The following CSRNP3 variants were observed in gnomAD, a reference collection of about 807,000 sequenced individuals.
CSRNP3 encodes cysteine and serine rich nuclear protein 3.
A neutral mutation model predicts 48.0 loss-of-function variants in CSRNP3; 12 were observed. That is an observed-to-expected ratio of 0.25 (90% CI 0.16 to 0.41). CSRNP3 has a LOEUF of 0.41. Ranked by LOEUF, CSRNP3 falls within the 10% of genes least tolerant of loss-of-function variation. The probability of loss-of-function intolerance (pLI) is 1.00; values close to 1 mark genes in which losing one functional copy is unlikely to be tolerated. For missense variants in CSRNP3, 580 were observed against 724.4 expected (o/e 0.80, Z 2.29); for synonymous variants, 263 against 269.7 (o/e 0.98, Z 0.24).
At chr2:165,610,354 C>T (rs1686115982) in intron 4 of CSRNP3, among the ~76,000 whole-genome samples, 1 of 152,128 alleles carries the variant, frequency 6.6e-6, no homozygotes, top group Non-Finnish European at 1.5e-5. Flanking sequence ...AGGTGTACTG[C>T]TAATTAATAA....
chr2:165,542,049 C>A (rs942789435), intron 3 of CSRNP3, among the ~76,000 whole-genome samples: 1 of 152,104 alleles, frequency 6.6e-6, no homozygotes, highest in African/African-American at 2.4e-5. Context: ...ACTGTCACAA[C>A]CTTTGAGGAA....
chr2:165,545,465 G>A (rs752402323), intron 3 of CSRNP3, among the ~76,000 whole-genome samples: 2 of 152,106 alleles, frequency 1.3e-5, no homozygotes, highest in Non-Finnish European at 2.9e-5. Context: ...GGCACAGAGG[G>A]GCAAGGAGCA....
chr2:165,487,566 A>C lies in CSRNP3; in HGVS notation c.-282-7193A>C, dbSNP rs1408753996. ...GAGAGAAGGGTCGGGTTACCCTCAA[A>C]GGGAAGCCCATCAGACTAACAGCGG... is the stretch of plus-strand genomic sequence containing the variant. On this transcript the variant is annotated intron_variant, in intron 1 of 6. Transcript: ENST00000651982. Among the ~76,000 whole-genome samples the C allele has an allele frequency of 2.7e-5, 4 of 148,620 alleles. No individual in the cohort carries two copies. The East Asian group carries it at 8.0e-4, about 30-fold the overall frequency.
intron 1 of CSRNP3, among the ~76,000 whole-genome samples, chr2:165,475,666 A>G (rs1018371797): frequency 3.3e-5 from 5 of 152,164 alleles, no homozygotes; most frequent in Non-Finnish European, 5.9e-5. Context: ...CTTGTCAGAT[A>G]GTCATCTAGC....
intron 3 of CSRNP3, among the ~76,000 whole-genome samples, chr2:165,553,321 A>G (rs1410281072): frequency 6.6e-6 from 1 of 152,128 alleles, no homozygotes; most frequent in East Asian, 1.9e-4. Flanking sequence ...TTCATGCTCT[A>G]TCATTGTAAT....
intron 3 of CSRNP3, among the ~76,000 whole-genome samples, chr2:165,548,309 G>A (rs1685056527): frequency 6.6e-6 from 1 of 151,920 alleles, no homozygotes; most frequent in African/African-American, 2.4e-5. Flanking sequence ...ACTAATAGTA[G>A]GATCTTAACT....
chr2:165,476,849 G>A (rs879304004), intron 1 of CSRNP3, among the ~76,000 whole-genome samples: 28 of 152,178 alleles, frequency 1.8e-4, no homozygotes, highest in Non-Finnish European at 3.5e-4. Flanking sequence ...AGAATTTGGC[G>A]TATAGTAAGC....
chr2:165,603,732 A>C (rs553075433), intron 4 of CSRNP3, among the ~76,000 whole-genome samples: 62 of 152,148 alleles, frequency 4.1e-4, no homozygotes, highest in Non-Finnish European at 7.8e-4. Flanking sequence ...ACTTCTTTAA[A>C]AGTTTTGGAG....
In CSRNP3 at chr2:165,678,900, T is replaced by C. The variant is rs774740505; in HGVS notation, c.905T>C (p.Met302Thr). 3.7e-6 allele frequency: 6 copies of C among 1,614,082 alleles called. No individual in the cohort carries two copies. Among genetic ancestry groups the C allele is most frequent in the South Asian group, 1.1e-5 (1 of 91,080 alleles). The change falls in exon 7 of 7, where the codon ATG becomes ACG. Residue 302 changes from methionine (M) to threonine (T), a missense_variant. Physicochemically the swap from Met to Thr is moderately conservative, Grantham distance 81. Transcript: ENST00000651982. ...GAGATAAGTGCTCACAGTAGTTCTA[T>C]GGGCCCTGTCGCTCACTCCGTAGAA... ...HSEISAHSSS[M>T]GPVAHSVEYS...
chr2:165,646,701 G>A (rs1184821241), intron 4 of CSRNP3, among the ~76,000 whole-genome samples: 2 of 152,112 alleles, frequency 1.3e-5, no homozygotes, highest in Non-Finnish European at 2.9e-5. Flanking sequence ...GTATTCTGCT[G>A]AGGAGCCATA....
Position 165,681,726 on chromosome 2 carries a change from C to CATATATATATAT in CSRNP3, c.*1997_*2008dup, listed in dbSNP as rs1159941595. 3.5e-3 allele frequency: 332 copies of CATATATATATAT among 93,626 alleles called. 3 individuals carry two copies. The highest frequency in any genetic ancestry group is 0.015 in the Middle Eastern group (2 of 136). The allele number at this position is 93,626 out of a possible 1,614,324, so 5.8% of individuals were successfully genotyped here. On this transcript the variant is annotated 3_prime_UTR_variant, in exon 7 of 7. Coordinates refer to ENST00000651982, the MANE Select transcript of CSRNP3 (RefSeq NM_001172173.2). ...AGGATTTGTTGAAATCTCAAATATA[C>CATATATATATAT]ATATATATATATATATATATATATA...
At chr2:165,576,444 C>T (rs1685452189) in intron 3 of CSRNP3, among the ~76,000 whole-genome samples, 1 of 151,928 alleles carries the variant, frequency 6.6e-6, no homozygotes, top group Non-Finnish European at 1.5e-5. Context: ...ACTGCTACCA[C>T]AGAGCATGTT....
At chr2:165,474,131 A>C (rs1683928528) in intron 1 of CSRNP3, among the ~76,000 whole-genome samples, 1 of 152,216 alleles carries the variant, frequency 6.6e-6, no homozygotes, top group Non-Finnish European at 1.5e-5. Context: ...ACTTGTGCAC[A>C]TTCATAAAAA....
chr2:165,655,027 G>A (rs540519779), intron 4 of CSRNP3, among the ~76,000 whole-genome samples: 1 of 152,276 alleles, frequency 6.6e-6, no homozygotes, highest in South Asian at 2.1e-4. Flanking sequence ...TCCATAACAT[G>A]ATATTAATCA....
intron 4 of CSRNP3, among the ~76,000 whole-genome samples, chr2:165,608,415 A>T (rs1371863826): frequency 6.6e-6 from 1 of 152,186 alleles, no homozygotes; most frequent in Non-Finnish European, 1.5e-5. Context: ...GGAACGGTTC[A>T]TGAACACAGA....
At chr2:165,559,036 A>G (rs1031335429) in intron 3 of CSRNP3, among the ~76,000 whole-genome samples, 2 of 152,200 alleles carry the variant, frequency 1.3e-5, no homozygotes, top group African/African-American at 2.4e-5. Context: ...ACTAGAGGGC[A>G]GCATAGGCTT....
chr2:165,559,295 C>T (rs932108526), intron 3 of CSRNP3, among the ~76,000 whole-genome samples: 8 of 152,152 alleles, frequency 5.3e-5, no homozygotes, highest in Non-Finnish European at 8.8e-5. Flanking sequence ...ACAAATAATA[C>T]AGTCTCTCAA....
chr2:165,647,333 G>A (rs1383531979), intron 4 of CSRNP3, among the ~76,000 whole-genome samples: 1 of 151,984 alleles, frequency 6.6e-6, no homozygotes, highest in African/African-American at 2.4e-5. Context: ...CATTGGGATA[G>A]GAAAATATTT....
At chr2:165,589,319 T>C (rs952758383) in intron 3 of CSRNP3, among the ~76,000 whole-genome samples, 1 of 152,208 alleles carries the variant, frequency 6.6e-6, no homozygotes, top group African/African-American at 2.4e-5. Flanking sequence ...TAAGTCTAGA[T>C]TAAGGGTTAC....
Sources: allele counts gnomAD v4.1 joint callset (sites outside exome capture counted in the v4.1 genomes callset), GRCh38; gene constraint gnomAD v4.1.1; transcripts MANE v1.5; gene names NCBI Gene and HGNC (gene_info 2026-07-23, HGNC 2026-07-21).